OSBPL9: variants seen among roughly 807,000 people sequenced by gnomAD.
OSBPL9 encodes oxysterol binding protein like 9.
A neutral mutation model predicts 106.6 loss-of-function variants in OSBPL9; 40 were observed. That is an observed-to-expected ratio of 0.38 (90% CI 0.29 to 0.49). OSBPL9 has a LOEUF of 0.49. OSBPL9 is among the 20% of genes least tolerant of loss of function. The pLI, the probability that OSBPL9 is intolerant of heterozygous loss-of-function variation, is 0.97. For missense variants in OSBPL9, 609 were observed against 887.2 expected (o/e 0.69, Z 3.98); for synonymous variants, 269 against 295.4 (o/e 0.91, Z 0.92).
chr1:51,766,737 G>C (rs1022013286), intron 12 of OSBPL9, among the ~76,000 whole-genome samples: 15 of 151,128 alleles, frequency 9.9e-5, no homozygotes, highest in African/African-American at 3.4e-4. Context: ...CCTCAAATCT[G>C]TCTCTCTGCA....
chr1:51,530,193 C>CA, the OSBPL9 span, among the ~76,000 whole-genome samples: 117 of 55,618 alleles, frequency 2.1e-3, 2 homozygotes, highest in East Asian at 0.023. Flanking sequence ...AAAAAAAAAA[C>CA]AAAAAAAAAA....
At chr1:51,715,121 C>T (rs1660792298) in intron 4 of OSBPL9, among the ~76,000 whole-genome samples, 1 of 152,046 alleles carries the variant, frequency 6.6e-6, no homozygotes, top group Non-Finnish European at 1.5e-5. Context: ...TGTTCTATAT[C>T]AGGAATTGAC....
intron 1 of OSBPL9, among the ~76,000 whole-genome samples, chr1:51,585,481 T>C (rs1645243046): frequency 6.6e-6 from 1 of 152,048 alleles, no homozygotes; most frequent in African/African-American, 2.4e-5. Flanking sequence ...AGGTTAGATA[T>C]CAAAAATAAA....
chr1:51,661,414 G>C (rs1028706164), intron 2 of OSBPL9, among the ~76,000 whole-genome samples: 12 of 152,090 alleles, frequency 7.9e-5, no homozygotes, highest in African/African-American at 2.9e-4. Context: ...ATGTCTGTGT[G>C]TATAGAAAAA....
chr1:51,606,939 A>G (rs1643952962), intron 2 of OSBPL9, among the ~76,000 whole-genome samples: 1 of 151,600 alleles, frequency 6.6e-6, no homozygotes, highest in African/African-American at 2.4e-5. Context: ...AGTCCCAGCT[A>G]CTCGGGAGGC....
intron 16 of OSBPL9, 137 bp downstream of exon 16, chr1:51,781,472 C>T: frequency 1.2e-6 from 1 of 868,814 alleles, no homozygotes; most frequent in South Asian, 1.8e-5. Flanking sequence ...GTTAGAGCAG[C>T]ATAGTTTGAA....
chr1:51,523,462 G>T, the OSBPL9 span, among the ~76,000 whole-genome samples: 1 of 150,912 alleles, frequency 6.6e-6, no homozygotes, highest in African/African-American at 2.4e-5. Flanking sequence ...GCTCTACAAG[G>T]GTTATTTTTA....
chr1:51,758,229 G>A (rs527472140), intron 9 of OSBPL9, among the ~76,000 whole-genome samples: 173 of 152,082 alleles, frequency 1.1e-3, no homozygotes, highest in African/African-American at 3.6e-3. Context: ...TGCATGAATC[G>A]GATCAGCCTC....
chr1:51,697,647 A>C (rs1295177726), intron 3 of OSBPL9, among the ~76,000 whole-genome samples: 1 of 151,514 alleles, frequency 6.6e-6, no homozygotes, highest in South Asian at 2.1e-4. Context: ...CCTAAAAGCT[A>C]CTTCTTGTAG....
rs140712209 is a variant in OSBPL9 at position 51,669,728 on chromosome 1, A to T, written c.241+216A>T. On this transcript the variant is annotated intron_variant, in intron 3 of 23. Transcript: ENST00000428468. ...TTGAAACGACTGTGGATCTGGCTGC[A>T]GTTGGAGATGAAAATTTTAAAGGAT... 4 of 653,484 alleles carry T rather than the reference A, an allele frequency of 6.1e-6. No homozygotes were observed. The East Asian group carries it at 1.2e-4, about 20-fold the overall frequency. 40.5% of individuals were successfully genotyped at this position (653,484 alleles called of 1,614,324 possible).
At chr1:51,638,031 A>C (rs747342326) in intron 1 of OSBPL9, among the ~76,000 whole-genome samples, 7 of 152,198 alleles carry the variant, frequency 4.6e-5, no homozygotes, top group Non-Finnish European at 8.8e-5. Flanking sequence ...TCCATCTCTT[A>C]AAGATGATCT....
upstream of OSBPL9, among the ~76,000 whole-genome samples, chr1:51,572,251 G>A (rs114774141): frequency 0.016 from 2,493 of 152,076 alleles, 28 homozygotes; most frequent in Non-Finnish European, 0.025. Flanking sequence ...TCTACTTAGC[G>A]GACAAAAGCT....
chr1:51,537,562 A>T, the OSBPL9 span, among the ~76,000 whole-genome samples: 1 of 152,138 alleles, frequency 6.6e-6, no homozygotes, highest in African/African-American at 2.4e-5. Flanking sequence ...TATTATTATA[A>T]TTATTTTTAA....
At chr1:51,550,410 T>G in the OSBPL9 span, among the ~76,000 whole-genome samples, 3 of 152,240 alleles carry the variant, frequency 2.0e-5, no homozygotes, top group South Asian at 6.2e-4. Context: ...GAAATCTAGT[T>G]GTTAAGTGCT....
intron 4 of OSBPL9, among the ~76,000 whole-genome samples, chr1:51,715,668 A>G (rs1660917501): frequency 6.6e-6 from 1 of 152,192 alleles, no homozygotes; most frequent in Non-Finnish European, 1.5e-5. Flanking sequence ...TTAGACTGAC[A>G]TTCAACATTC....
the OSBPL9 span, among the ~76,000 whole-genome samples, chr1:51,548,544 G>A: frequency 1.1e-4 from 17 of 150,932 alleles, no homozygotes; most frequent in African/African-American, 3.9e-4. Flanking sequence ...CATGCTCCAC[G>A]ATGCCCAGCT....
At chr1:51,630,233 G>A (rs1382159907) in intron 1 of OSBPL9, among the ~76,000 whole-genome samples, 3 of 151,936 alleles carry the variant, frequency 2.0e-5, no homozygotes, top group South Asian at 2.1e-4. Context: ...GGTTTTTTTG[G>A]TAAGATGCTT....
At chr1:51,773,941 CG>C (rs1557852643) in intron 14 of OSBPL9, among the ~76,000 whole-genome samples, 1,901 of 149,080 alleles carry the variant, frequency 0.013, 41 homozygotes, top group African/African-American at 0.045. Flanking sequence ...CAGCTGCTGG[CG>C]TTGTTGTTGT....
chr1:51,570,060 A>G, the OSBPL9 span, among the ~76,000 whole-genome samples: 1 of 152,204 alleles, frequency 6.6e-6, no homozygotes, highest in Non-Finnish European at 1.5e-5. Context: ...CTGATTTTCA[A>G]GAGATACTTG....
Sources: gnomAD v4.1 joint callset for allele counts (sites outside exome capture counted in the v4.1 genomes callset) on GRCh38, gnomAD v4.1.1 for gene constraint, MANE v1.5 for transcripts, NCBI Gene and HGNC (gene_info 2026-07-23, HGNC 2026-07-21) for gene names.